DACT2: variants seen among roughly 807,000 people sequenced by gnomAD.
DACT2 encodes dapper homolog 2.
DACT2 carries 20 observed loss-of-function variants against 22.2 expected under a neutral mutation model. The observed-to-expected ratio is 0.90, with a 90% CI of 0.63 to 1.31. The LOEUF (loss-of-function observed/expected upper bound fraction) is 1.31, where lower values mean the gene tolerates loss of function less well. Ranked by LOEUF, DACT2 falls within the 50% of genes most tolerant of loss-of-function variation. The pLI is 0.00. For synonymous variants in DACT2, 463 were observed against 479.8 expected (o/e 0.96, Z 0.46); for missense variants, 1,048 against 1,061.4 (o/e 0.99, Z 0.18).
intron 3 of DACT2, among the ~76,000 whole-genome samples, chr6:168,309,850 C>T (rs146613099): frequency 6.6e-4 from 101 of 152,324 alleles, no homozygotes; most frequent in Non-Finnish European, 1.3e-3. Flanking sequence ...TCCCCACCAG[C>T]GCTTTCAACC....
In DACT2 at chr6:168,310,425, C is replaced by T. The variant is rs1375540807; in HGVS notation, c.401G>A (p.Gly134Asp). The T allele has an allele frequency of 2.2e-5, 34 of 1,550,520 alleles. No individual in the cohort carries two copies. Among genetic ancestry groups the T allele is most frequent in the Non-Finnish European group, 3.0e-5 (34 of 1,146,622 alleles). ...PSSGFYEMSD[G>D]GSCSLSTSCA... ...GGACGTGGACAGGGAGCAGGATCCACCGTCGCTCATCTCGTAAAAGCCTGG... is the reference window on the plus strand; with the variant it reads ...GGACGTGGACAGGGAGCAGGATCCATCGTCGCTCATCTCGTAAAAGCCTGG... The change falls in exon 3 of 4, where the codon GGT (glycine) becomes GAT (aspartate). Residue 134 changes from glycine to aspartate, a missense_variant. Physicochemically the swap from Gly to Asp is moderately conservative, Grantham distance 94. Transcript: ENST00000366795.
chr6:168,309,210 G>C, intron 3 of DACT2, 112 bp from the exon 4 acceptor site: 1 of 1,420,898 alleles, frequency 7.0e-7, no homozygotes, highest in Non-Finnish European at 9.2e-7. Context: ...TCACTGCTTC[G>C]AGGAACTCCT....
chr6:168,304,034 T>C (rs1029983886), downstream of DACT2, among the ~76,000 whole-genome samples: 4 of 152,228 alleles, frequency 2.6e-5, no homozygotes, highest in Non-Finnish European at 4.4e-5. Context: ...ATTGTAAGCA[T>C]GCTAGAAGTT....
exon 4 of DACT2, chr6:168,294,655 G>A (rs1778978852): frequency 1.3e-6 from 2 of 1,482,700 alleles, no homozygotes; most frequent in South Asian, 1.3e-5. Flanking sequence ...TGGAGGTGCA[G>A]CCTGCAGGCG....
At chr6:168,297,204 C>T (rs1334137691) in intron 3 of DACT2, among the ~76,000 whole-genome samples, 1 of 152,164 alleles carries the variant, frequency 6.6e-6, no homozygotes, top group African/African-American at 2.4e-5. Context: ...GTCAGAAGAA[C>T]AATGGTCCCC....
intron 1 of DACT2, among the ~76,000 whole-genome samples, chr6:168,314,681 T>A (rs985561467): frequency 6.6e-6 from 1 of 152,130 alleles, no homozygotes; most frequent in Non-Finnish European, 1.5e-5. Context: ...TTACGGCACA[T>A]GTGGAGGATA....
At chr6:168,303,939 G>A (rs1779154222), downstream of DACT2, among the ~76,000 whole-genome samples, 1 of 152,058 alleles carries the variant, frequency 6.6e-6, no homozygotes, top group Admixed American at 6.5e-5. Flanking sequence ...TTTCATTTTA[G>A]GATAGAAGAG....
downstream of DACT2, among the ~76,000 whole-genome samples, chr6:168,303,293 C>T (rs1305024990): frequency 1.3e-5 from 2 of 152,150 alleles, no homozygotes; most frequent in Admixed American, 1.3e-4. Context: ...AAACCTCTGC[C>T]AAAATTTGAA....
At chr6:168,294,751 C>G (rs1200751574) in intron 3 of DACT2, 3 of 990,552 alleles carry the variant, frequency 3.0e-6, no homozygotes, top group Non-Finnish European at 4.1e-6. Flanking sequence ...CAGAACACAC[C>G]TGCAGCTTCA....
At position 168,319,391 on chromosome 6, in the gene DACT2, C is replaced by A; in HGVS notation, c.243G>T (p.Gln81His). The change falls in exon 1 of 4, where the codon CAG (glutamine) becomes CAT (histidine). Residue 81 changes from glutamine to histidine, a missense_variant. By Grantham distance (24) the Gln-to-His change is conservative. Coordinates refer to ENST00000366795, the MANE Select transcript of DACT2 (RefSeq NM_214462.5). ...LEAALAALQE[Q>H]LSRLRQQDIG... ...AGTCCCGGCGCCCGGTCCTTACCAG[C>A]TGCTCCTGCAGCGCGGCCAGCGCCG... 1 of 1,201,238 alleles carries A rather than the reference C, an allele frequency of 8.3e-7. No individual in the cohort carries two copies. The highest frequency in any genetic ancestry group is 1.0e-6 in the Non-Finnish European group (1 of 968,328). The allele number at this position is 1,201,238 out of a possible 1,614,324, so 74.4% of individuals were successfully genotyped here.
chr6:168,296,759 A>T (rs370909699), intron 3 of DACT2, among the ~76,000 whole-genome samples: 26 of 152,224 alleles, frequency 1.7e-4, no homozygotes, highest in African/African-American at 6.0e-4. Flanking sequence ...CTACAAATAC[A>T]ACTTTTTAAA....
At chr6:168,304,580 G>A (rs1472833927), downstream of DACT2, among the ~76,000 whole-genome samples, 2 of 152,248 alleles carry the variant, frequency 1.3e-5, no homozygotes, top group African/African-American at 2.4e-5. Flanking sequence ...TTGCAGATGG[G>A]TCAGGGAGGC....
chr6:168,308,830 C>T lies in DACT2; in HGVS notation c.927G>A (p.Arg309=), dbSNP rs1441580603. 1 of 1,551,320 alleles carries T rather than the reference C, an allele frequency of 6.4e-7. No individual in the cohort carries two copies. The highest frequency in any genetic ancestry group is 1.2e-5 in the South Asian group (1 of 84,052). The part of the protein sequence containing the change: ...GGPSFPRESP[R]GPAGLNTIQT... ...GGATGGTGTTCAGACCTGCGGGGCC[C>T]CTGGGGCTCTCCCTAGGGAACGAGG... Residue 309 remains arginine, a synonymous_variant, in exon 4 of 4, where the codon AGG becomes AGA. Coordinates refer to ENST00000366795, the MANE Select transcript of DACT2 (RefSeq NM_214462.5).
intron 3 of DACT2, chr6:168,299,030 ACTATG>A (rs1465568793): frequency 1.3e-5 from 2 of 152,240 alleles, no homozygotes; most frequent in African/African-American, 4.8e-5. Flanking sequence ...GCCACTCACA[ACTATG>A]CTATAAATCT....
chr6:168,296,807 T>C (rs1779017501), intron 3 of DACT2, among the ~76,000 whole-genome samples: 2 of 152,316 alleles, frequency 1.3e-5, no homozygotes, highest in South Asian at 4.1e-4. Flanking sequence ...CTAAATATGA[T>C]GACATTGACC....
At chr6:168,315,130 G>A (rs1346605429) in intron 1 of DACT2, among the ~76,000 whole-genome samples, 2 of 152,224 alleles carry the variant, frequency 1.3e-5, no homozygotes, top group Non-Finnish European at 2.9e-5. Context: ...AAAAGGAATT[G>A]TTGCAAGCTG....
chr6:168,310,194 G>A lies in DACT2; in HGVS notation c.632C>T (p.Thr211Ile), dbSNP rs923642835. ...SVEDAGQPWG[T>I]FWPRPVSTGD... ...TGTAGACACAGGCCTGGGCCAGAAT[G>A]TGCCCCACGGCTGGCCTGCATCCTC... Residue 211 changes from threonine (T) to isoleucine (I), a missense_variant, in exon 3 of 4, where the codon ACA (threonine) becomes ATA (isoleucine). Physicochemically the swap from Thr to Ile is moderately conservative, Grantham distance 89. Coordinates refer to ENST00000366795, the MANE Select transcript of DACT2 (RefSeq NM_214462.5). 77 of 1,550,562 alleles carry A rather than the reference G, an allele frequency of 5.0e-5. No homozygotes were observed. Among genetic ancestry groups the A allele is most frequent in the Admixed American group, 7.8e-5 (4 of 50,994 alleles).
rs1028494879 is a variant in DACT2 at position 168,307,905 on chromosome 6, G to A, written c.1852C>T (p.Arg618Trp). 4.6e-5 allele frequency: 61 copies of A among 1,332,772 alleles called. No homozygotes were observed. Among genetic ancestry groups the A allele is most frequent in the Middle Eastern group, 2.0e-4 (1 of 5,046 alleles). The allele number at this position is 1,332,772 out of a possible 1,614,324, so 82.6% of individuals were successfully genotyped here. ...RWQSTVEISA[R>W]ARLASCPESN... ...TCAGGACAGCTGGCCAGGCGGGCCC[G>A]GGCCGAGATCTCCACGGTGGACTGC... is the stretch of plus-strand genomic sequence containing the variant. The change falls in exon 4 of 4, where the codon CGG becomes TGG. Residue 618 changes from arginine (R) to tryptophan (W), a missense_variant. Arg to Trp is a moderately radical substitution (Grantham distance 101, BLOSUM62 -3). Transcript: ENST00000366795. This position sits in a 1 kb window ranked among gnomAD's most constrained non-coding sequence, Gnocchi z 5.3.
downstream of DACT2, among the ~76,000 whole-genome samples, chr6:168,305,421 T>G (rs564346436): frequency 6.6e-6 from 1 of 152,258 alleles, no homozygotes; most frequent in East Asian, 1.9e-4. Flanking sequence ...ATGGGCTGAT[T>G]CCCTGTGATC....
Sources: gnomAD v4.1 joint callset for allele counts (sites outside exome capture counted in the v4.1 genomes callset) on GRCh38, gnomAD v4.1.1 for gene constraint, Gnocchi (gnomAD v3.1) non-coding constraint, MANE v1.5 for transcripts, NCBI Gene and HGNC (gene_info 2026-07-23, HGNC 2026-07-21) for gene names.